Variants in SCUBE3 observed in about 807,000 individuals in gnomAD.
SCUBE3 encodes signal peptide, CUB domain and EGF like domain containing 3, also known as signal peptide, CUB and EGF-like domain-containing protein 3.
In SCUBE3, 33 loss-of-function variants were observed where a neutral mutation model predicts 116.8. The observed-to-expected ratio is 0.28, with a 90% CI of 0.21 to 0.38. SCUBE3 has a LOEUF of 0.38. Ranked by LOEUF, SCUBE3 falls within the 10% of genes least tolerant of loss-of-function variation. The pLI, the probability that SCUBE3 is intolerant of heterozygous loss-of-function variation, is 1.00. For synonymous variants in SCUBE3, 418 were observed against 496.9 expected (o/e 0.84, Z 2.11); for missense variants, 1,007 against 1,324.8 (o/e 0.76, Z 3.72).
At chr6:35,248,525 G>A in intron 21 of SCUBE3, 31 bp from the exon 22 acceptor site, 1 of 1,612,820 alleles carries the variant, frequency 6.2e-7, no homozygotes, top group Non-Finnish European at 8.5e-7. Context: ...CCGACGGTGA[G>A]GCTGACATTG....
chr6:35,235,398 A>C lies in SCUBE3; in HGVS notation c.712+2097A>C. 9.6e-7 allele frequency: 1 copy of C among 1,038,028 alleles called. No individual in the cohort carries two copies. The highest frequency in any genetic ancestry group is 1.3e-6 in the Non-Finnish European group (1 of 757,098). 64.3% of individuals were successfully genotyped at this position (1,038,028 alleles called of 1,614,324 possible). On this transcript the variant is annotated intron_variant, in intron 6 of 21. Transcript: ENST00000274938. The surrounding 1 kb of genome is among the most constrained non-coding windows in gnomAD (Gnocchi z 4.5). ...GAGGGGTCCGGGGCCAGAGGGCCAC[A>C]GTGGCTTCTGCCCAGCACCTAAACA...
intron 1 of SCUBE3, chr6:35,223,625 C>A (rs1783198489): frequency 6.6e-6 from 1 of 152,164 alleles, no homozygotes. Context: ...CAGTGTGTAG[C>A]CCCAGGGTTG....
intron 1 of SCUBE3, among the ~76,000 whole-genome samples, chr6:35,215,288 A>T (rs1782839716): frequency 6.6e-6 from 1 of 152,170 alleles, no homozygotes. Context: ...TTAAAGAGAG[A>T]CAGGGAGGCC....
chr6:35,218,420 G>A (rs1418243839), intron 1 of SCUBE3, among the ~76,000 whole-genome samples: 1 of 152,196 alleles, frequency 6.6e-6, no homozygotes, highest in East Asian at 1.9e-4. Context: ...TTGAGAAGAT[G>A]GAGCTGGAAG....
intron 1 of SCUBE3, among the ~76,000 whole-genome samples, chr6:35,217,915 T>C (rs1327582375): frequency 3.3e-5 from 5 of 152,206 alleles, no homozygotes; most frequent in African/African-American, 1.2e-4. Context: ...TCTTCTCTCA[T>C]GACATGTCTC....
At position 35,246,223 on chromosome 6, in the gene SCUBE3, G is replaced by A. The variant is rs146039233; in HGVS notation, c.2770G>A (p.Val924Ile). 6.2e-7 allele frequency: 1 copy of A among 1,614,154 alleles called. No individual in the cohort carries two copies. The highest frequency in any genetic ancestry group is 1.3e-5 in the African/African-American group (1 of 75,050). The change falls in exon 21 of 22, where the codon GTA becomes ATA. Residue 924 changes from valine to isoleucine, a missense_variant. Around this residue, in one of 5 missense-constraint regions of SCUBE3, gnomAD observed 118 missense variants for 196.6 expected, o/e 0.60. Coordinates refer to ENST00000274938, the MANE Select transcript of SCUBE3 (RefSeq NM_152753.4). ...VTYDEDYEQLVEDIVRDGRLY... is the reference protein window; with the variant it reads ...VTYDEDYEQLIEDIVRDGRLY... ...CTTTGCAGAGGACTATGAGCAGCTG[G>A]TAGAAGACATTGTGCGAGATGGCCG...
intron 6 of SCUBE3, 118 bp from the exon 7 acceptor site, chr6:35,237,784 A>G: frequency 1.6e-6 from 1 of 643,052 alleles, no homozygotes. Context: ...CTCCTTCTAA[A>G]GCACAGAGAG....
At chr6:35,226,464 G>A (rs1783325385) in intron 1 of SCUBE3, among the ~76,000 whole-genome samples, 1 of 136,898 alleles carries the variant, frequency 7.3e-6, no homozygotes, top group Non-Finnish European at 1.5e-5. Flanking sequence ...TCAGAAGTTG[G>A]ACTCTTTTCT....
chr6:35,230,604 G>A (rs1783505525), intron 3 of SCUBE3, among the ~76,000 whole-genome samples: 1 of 152,198 alleles, frequency 6.6e-6, no homozygotes. Flanking sequence ...CAGGAAGACA[G>A]GGATGGGGAG....
At chr6:35,226,997 G>A (rs1348967715) in intron 1 of SCUBE3, among the ~76,000 whole-genome samples, 1 of 152,172 alleles carries the variant, frequency 6.6e-6, no homozygotes, top group Admixed American at 6.5e-5. Context: ...TGGCAGCACA[G>A]GGGCCGAGGA....
In SCUBE3 at chr6:35,252,545, G is replaced by C. The variant is rs1784590224; in HGVS notation, c.*3840G>C. On this transcript the variant is annotated 3_prime_UTR_variant, in exon 22 of 22. Coordinates refer to ENST00000274938, the MANE Select transcript of SCUBE3 (RefSeq NM_152753.4). Reference sequence around the variant, plus strand: ...CTCAATATTACAGCCACAAACAAGGGGTACCAAGACAAAGTATAACTGAGC... The same window carrying C: ...CTCAATATTACAGCCACAAACAAGGCGTACCAAGACAAAGTATAACTGAGC... The C allele has an allele frequency of 6.6e-6, 1 of 152,118 alleles. No homozygotes were observed. The highest frequency in any genetic ancestry group is 2.4e-5 in the African/African-American group (1 of 41,416). 9.4% of individuals were successfully genotyped at this position (152,118 alleles called of 1,614,324 possible). A position where few individuals can be genotyped will look rare whatever the true frequency, so the allele number is the denominator to read the frequency against.
chr6:35,238,425 G>C (rs1783872466), intron 7 of SCUBE3, among the ~76,000 whole-genome samples: 1 of 152,142 alleles, frequency 6.6e-6, no homozygotes, highest in Non-Finnish European at 1.5e-5. Flanking sequence ...GTGGGCTCTG[G>C]GGAAATGATG....
At chr6:35,217,111 T>C in intron 1 of SCUBE3, among the ~76,000 whole-genome samples, 1 of 151,118 alleles carries the variant, frequency 6.6e-6, no homozygotes, top group Non-Finnish European at 1.5e-5. Context: ...TTTTGAGTGT[T>C]TTTCAAGTGC....
At chr6:35,224,164 C>A (rs146492121) in intron 1 of SCUBE3, 1 of 152,086 alleles carries the variant, frequency 6.6e-6, no homozygotes, top group African/African-American at 2.4e-5. Flanking sequence ...AACGAAAATA[C>A]GCAAATGCAT....
chr6:35,249,854 C>T lies in SCUBE3; in HGVS notation c.*1149C>T, dbSNP rs1197079066. On this transcript the variant is annotated 3_prime_UTR_variant, in exon 22 of 22. Transcript: ENST00000274938. ...GTGTGCACTTGGCGAGCCTCCTGCC[C>T]ACCCTGTCCACACCTAATAAGTGCA... 1 of 152,688 alleles carries T rather than the reference C, an allele frequency of 6.5e-6. No homozygotes were observed. The highest frequency in any genetic ancestry group is 2.4e-5 in the African/African-American group (1 of 41,468). The allele number at this position is 152,688 out of a possible 1,614,324, so 9.5% of individuals were successfully genotyped here. A position where few individuals can be genotyped will look rare whatever the true frequency, so the allele number is the denominator to read the frequency against.
At chr6:35,246,937 C>T (rs1296416099) in intron 21 of SCUBE3, among the ~76,000 whole-genome samples, 1 of 151,968 alleles carries the variant, frequency 6.6e-6, no homozygotes, top group African/African-American at 2.4e-5. Flanking sequence ...CGAGATGGCG[C>T]CATCGCACTC....
rs1206374885 is a variant in SCUBE3, at chr6:35,241,458, G to C, written c.1196-85G>C. The C allele has an allele frequency of 7.0e-6, 8 of 1,149,150 alleles. No homozygotes were observed. The highest frequency in any genetic ancestry group is 3.0e-5 in the African/African-American group (2 of 66,104). The allele number at this position is 1,149,150 out of a possible 1,614,324, so 71.2% of individuals were successfully genotyped here. ...ATCAGTCTCCATGGGTACAACAATA[G>C]TTATGCAAGTAGCTGATTCCTCCAA... On this transcript the variant is annotated intron_variant, in intron 10 of 21. Coordinates refer to ENST00000274938, the MANE Select transcript of SCUBE3 (RefSeq NM_152753.4). The surrounding 1 kb of genome is among the most constrained non-coding windows in gnomAD (Gnocchi z 4.1).
intron 1 of SCUBE3, 87 bp from the exon 2 acceptor site, chr6:35,227,493 G>A: frequency 1.4e-6 from 2 of 1,417,586 alleles, no homozygotes; most frequent in Non-Finnish European, 2.0e-6. Flanking sequence ...TAGAGAAGAG[G>A]GGATTCTGCC....
intron 3 of SCUBE3, among the ~76,000 whole-genome samples, chr6:35,229,455 G>A (rs1025318910): frequency 5.3e-5 from 8 of 152,068 alleles, no homozygotes; most frequent in African/African-American, 1.9e-4. Flanking sequence ...AGGCTGCTGT[G>A]CGGATCACCA....
Sources: gnomAD v4.1 joint callset for allele counts (sites outside exome capture counted in the v4.1 genomes callset) on GRCh38, gnomAD v4.1.1 for gene constraint, gnomAD v4.1.1 regional missense constraint, Gnocchi (gnomAD v3.1) non-coding constraint, MANE v1.5 for transcripts, NCBI Gene and HGNC (gene_info 2026-07-23, HGNC 2026-07-21) for gene names.